GGTLC1: variants seen among roughly 807,000 people sequenced by gnomAD.
The protein encoded by GGTLC1 is glutathione hydrolase light chain 1.
In GGTLC1, 14 loss-of-function variants were observed where a neutral mutation model predicts 19.5. That is an observed-to-expected ratio of 0.72 (90% CI 0.47 to 1.12). The LOEUF (loss-of-function observed/expected upper bound fraction) is 1.12, where lower values mean the gene tolerates loss of function less well. GGTLC1 is among the 50% of genes most tolerant of loss of function. The probability of loss-of-function intolerance (pLI) is 0.00; values close to 1 mark genes in which losing one functional copy is unlikely to be tolerated. For synonymous variants in GGTLC1, 110 were observed against 124.2 expected (o/e 0.89, Z 0.76); for missense variants, 304 against 309.2 (o/e 0.98, Z 0.13).
chr20:23,987,153 G>C (rs1987975613), intron 1 of GGTLC1, among the ~76,000 whole-genome samples: 1 of 152,178 alleles, frequency 6.6e-6, no homozygotes, highest in African/African-American at 2.4e-5. Flanking sequence ...AGGTGGTATA[G>C]GCTGGTGAGC....
In GGTLC1 at chr20:23,985,299, C is replaced by A. The variant is rs545886321; in HGVS notation, c.595G>T (p.Val199Leu). 9 of 1,612,054 alleles carry A rather than the reference C, an allele frequency of 5.6e-6. No homozygotes were observed. The South Asian group carries it at 9.9e-5, about 18-fold the overall frequency. Residue 199 changes from valine to leucine, a missense_variant, in exon 6 of 6, where the codon GTG (valine) becomes TTG (leucine). Coordinates refer to ENST00000335694, the MANE Select transcript of GGTLC1 (RefSeq NM_178311.3). ...GCCATGCGGACGATGGCTTGCACCA[C>A]AGCAATGAAGGTGGACGTGATCTGG... is the stretch of plus-strand genomic sequence containing the variant. ...HTQITSTFIA[V>L]VQAIVRMAGG...
intron 1 of GGTLC1, among the ~76,000 whole-genome samples, chr20:23,988,258 G>A (rs1988063282): frequency 6.6e-6 from 1 of 151,500 alleles, no homozygotes; most frequent in Non-Finnish European, 1.5e-5. Context: ...ATGTTGGCCA[G>A]GCTGGTCTCC....
intron 5 of GGTLC1, 34 bp from the exon 6 acceptor site, chr20:23,985,396 G>A: frequency 6.2e-7 from 1 of 1,611,286 alleles, no homozygotes; most frequent in East Asian, 2.2e-5. Context: ...GCCTGAGCAG[G>A]GCTCCAGATG....
In GGTLC1 at chr20:23,986,241, C is replaced by G. The variant is rs763447103; in HGVS notation, c.177-38G>C. ...CAGGTCAGACAGTGCCCGACCTTGCCTGGCCCAGCCTGGTCCCTATCCACC... is the reference window on the plus strand; with the variant it reads ...CAGGTCAGACAGTGCCCGACCTTGCGTGGCCCAGCCTGGTCCCTATCCACC... On this transcript the variant is annotated intron_variant, in intron 2 of 5. Coordinates refer to ENST00000335694, the MANE Select transcript of GGTLC1 (RefSeq NM_178311.3). 11 of 1,593,730 alleles carry G rather than the reference C, an allele frequency of 6.9e-6. No individual in the cohort carries two copies. In the Admixed American group the frequency reaches 1.9e-4, roughly 27 times the overall value.
In GGTLC1 at chr20:23,986,178, C is replaced by T. The variant is rs1485512209; in HGVS notation, c.202G>A (p.Val68Ile). 6.2e-7 allele frequency: 1 copy of T among 1,612,554 alleles called. No individual in the cohort carries two copies. The highest frequency in any genetic ancestry group is 8.5e-7 in the Non-Finnish European group (1 of 1,179,298). Residue 68 changes from valine to isoleucine, a missense_variant, in exon 3 of 6, where the codon GTC (valine) becomes ATC (isoleucine). Physicochemically the swap from Val to Ile is conservative, Grantham distance 29 (BLOSUM62 3). Transcript: ENST00000335694. Reference sequence around the variant, plus strand: ...TCATTATTGAGCAGGATCCCGCTGACTGGGGAGCGCACCTTGGAGCCAAAG... The same window carrying T: ...TCATTATTGAGCAGGATCCCGCTGATTGGGGAGCGCACCTTGGAGCCAAAG... ...LYFGSKVRSPVSGILLNNEMD... is the reference protein window; with the variant it reads ...LYFGSKVRSPISGILLNNEMD...
In GGTLC1 at chr20:23,985,335, G is replaced by T. The variant is rs1194557587; in HGVS notation, c.559C>A (p.His187Asn). 1 of 1,611,862 alleles carries T rather than the reference G, an allele frequency of 6.2e-7. No individual in the cohort carries two copies. Among genetic ancestry groups the T allele is most frequent in the Non-Finnish European group, 8.5e-7 (1 of 1,179,868 alleles). The change falls in exon 6 of 6, where the codon CAC becomes AAC. Residue 187 changes from histidine to asparagine, a missense_variant. His to Asn is a moderately conservative substitution (Grantham distance 68). Transcript: ENST00000335694. The stretch of plus-strand genomic sequence containing the variant: ...GTGGACGTGATCTGGGTGTGATGGT[G>T]CCGGGTCTCCAGGGCTGCAGTCACT... ...QEVTAALETRHHHTQITSTFI... is the reference protein window; with the variant it reads ...QEVTAALETRNHHTQITSTFI...
At chr20:23,985,636 C>G (rs764567668) in intron 5 of GGTLC1, 31 bp downstream of exon 5, 4 of 1,611,390 alleles carry the variant, frequency 2.5e-6, no homozygotes, top group East Asian at 2.2e-5. Context: ...GGCCCCACAC[C>G]GTGACTCAGT....
intron 1 of GGTLC1, among the ~76,000 whole-genome samples, chr20:23,987,872 AC>A (rs1988027240): frequency 6.8e-6 from 1 of 146,770 alleles, no homozygotes; most frequent in South Asian, 2.2e-4. Context: ...ACACAGTGAA[AC>A]CCCGTCTCTA....
chr20:23,987,981 G>A (rs1346821953), intron 1 of GGTLC1, among the ~76,000 whole-genome samples: 1 of 127,002 alleles, frequency 7.9e-6, no homozygotes, highest in East Asian at 2.4e-4. Context: ...GGTAGGCGGA[G>A]CTTGCGGTGA....
At position 23,985,907 on chromosome 20, in the gene GGTLC1, C is replaced by T. The variant is rs576331951; in HGVS notation, c.372G>A (p.Val124=). Residue 124 remains valine, a synonymous_variant, in exon 4 of 6, where the codon GTG becomes GTA. Coordinates refer to ENST00000335694, the MANE Select transcript of GGTLC1 (RefSeq NM_178311.3). The part of the protein sequence containing the change: ...MVGQDGQVRM[V]VGAAGGTQIT... The stretch of plus-strand genomic sequence containing the variant: ...TCTGCGTGCCCCCGGCAGCTCCCAC[C>T]ACCATCCGGACCTGGCCGTCCTGGC... The T allele has an allele frequency of 1.3e-5, 21 of 1,612,024 alleles. No individual in the cohort carries two copies. The African/African-American group carries it at 2.8e-4, about 22-fold the overall frequency.
rs778306866 is a variant in GGTLC1 at position 23,986,632 on chromosome 20, A to C, written c.-21T>G. Reference sequence around the variant, plus strand: ...GTCATGTCGCGGACCACCTGCCGAGACCCCAGAGCTGGCCTAGGGAGGTGG... The same window carrying C: ...GTCATGTCGCGGACCACCTGCCGAGCCCCCAGAGCTGGCCTAGGGAGGTGG... On this transcript the variant is annotated 5_prime_UTR_variant, in exon 2 of 6. Transcript: ENST00000335694. 7.8e-6 allele frequency: 7 copies of C among 893,620 alleles called. No individual in the cohort carries two copies. The highest frequency in any genetic ancestry group is 1.3e-5 in the South Asian group (1 of 77,578). The allele number at this position is 893,620 out of a possible 1,614,324, so 55.4% of individuals were successfully genotyped here.
chr20:23,985,462 G>A (rs1429250126), intron 5 of GGTLC1, 100 bp from the exon 6 acceptor site: 18 of 1,607,096 alleles, frequency 1.1e-5, no homozygotes, highest in African/African-American at 8.0e-5. Context: ...TGCCATTTCA[G>A]GCCAGGTCAT....
rs561113117 is a variant in GGTLC1 at position 23,986,701 on chromosome 20, A to G, written c.-34-56T>C. On this transcript the variant is annotated intron_variant, in intron 1 of 5. Coordinates refer to ENST00000335694, the MANE Select transcript of GGTLC1 (RefSeq NM_178311.3). ...GGGCACAGGTCTCAGAAGGCCCCTG[A>G]CTGTGGCTCTGACCACAACCCTCTG... The G allele has an allele frequency of 1.2e-3, 1,886 of 1,552,562 alleles. 16 individuals are homozygous for G. Among genetic ancestry groups the G allele is most frequent in the South Asian group, 0.01 (884 of 84,490 alleles).
In GGTLC1 at chr20:23,986,144, T is replaced by A. The variant is rs1987894478; in HGVS notation, c.236A>T (p.Asp79Val). ...GTTGGTGATGCTGGTAGAGCTGAAG[T>A]CATCCATTTCATTATTGAGCAGGAT... Reference protein sequence around the residue: ...SGILLNNEMDDFSSTSITNEF... With the variant: ...SGILLNNEMDVFSSTSITNEF... Residue 79 changes from aspartate (D) to valine (V), a missense_variant, in exon 3 of 6, where the codon GAC becomes GTC. Asp to Val is a radical substitution (Grantham distance 152, BLOSUM62 -3). Coordinates refer to ENST00000335694, the MANE Select transcript of GGTLC1 (RefSeq NM_178311.3). The A allele has an allele frequency of 6.2e-7, 1 of 1,613,240 alleles. No individual in the cohort carries two copies. Among genetic ancestry groups the A allele is most frequent in the Non-Finnish European group, 8.5e-7 (1 of 1,179,744 alleles).
intron 1 of GGTLC1, among the ~76,000 whole-genome samples, chr20:23,988,074 TG>T (rs1988050375): frequency 1.5e-5 from 1 of 65,480 alleles, no homozygotes; most frequent in African/African-American, 5.7e-5. Context: ...AAAAAGAGTC[TG>T]GCTCTGTTGC....
At position 23,986,449 on chromosome 20, in the gene GGTLC1, T is replaced by C. The variant is rs1324450600; in HGVS notation, c.163A>G (p.Thr55Ala). 1.9e-6 allele frequency: 3 copies of C among 1,611,788 alleles called. No individual in the cohort carries two copies. Among genetic ancestry groups the C allele is most frequent in the Non-Finnish European group, 2.5e-6 (3 of 1,179,816 alleles). Residue 55 changes from threonine to alanine, a missense_variant, in exon 2 of 6, where the codon ACC (threonine) becomes GCC (alanine). Physicochemically the swap from Thr to Ala is moderately conservative, Grantham distance 58. Transcript: ENST00000335694. ...EDGSAVSATSTINLYFGSKVR... is the reference protein window; with the variant it reads ...EDGSAVSATSAINLYFGSKVR... The stretch of plus-strand genomic sequence containing the variant: ...AGCAGCCCCTACTAGAGGTTGATGG[T>C]GCTGGTGGCGGACACAGCACTGCCG...
intron 1 of GGTLC1, among the ~76,000 whole-genome samples, chr20:23,987,910 G>A (rs1221220895): frequency 7.0e-6 from 1 of 141,906 alleles, no homozygotes; most frequent in Non-Finnish European, 1.5e-5. Flanking sequence ...TTAGCCGGGT[G>A]TGGTGGCGGG....
intron 2 of GGTLC1, 74 bp downstream of exon 2, chr20:23,986,362 T>G: frequency 6.3e-7 from 1 of 1,599,430 alleles, no homozygotes; most frequent in Non-Finnish European, 8.5e-7. Flanking sequence ...GGAGCCACCT[T>G]ACTGGATAAG....
chr20:23,986,341 A>G, intron 2 of GGTLC1, 95 bp downstream of exon 2: 1 of 1,600,414 alleles, frequency 6.2e-7, no homozygotes, highest in Middle Eastern at 2.2e-4. Context: ...CCCACCAGGA[A>G]AAGAGGTGAT....
Sources: gnomAD v4.1 joint callset for allele counts (sites outside exome capture counted in the v4.1 genomes callset) on GRCh38, gnomAD v4.1.1 for gene constraint, MANE v1.5 for transcripts, NCBI Gene and HGNC (gene_info 2026-07-23, HGNC 2026-07-21) for gene names.